CACNA1F: variants seen among roughly 807,000 people sequenced by gnomAD.
The protein encoded by CACNA1F is voltage-dependent L-type calcium channel subunit alpha-1F.
A neutral mutation model predicts 143.8 loss-of-function variants in CACNA1F; 59 were observed. That is an observed-to-expected ratio of 0.41 (90% CI 0.33 to 0.51). The LOEUF (loss-of-function observed/expected upper bound fraction) is 0.51, where lower values mean the gene tolerates loss of function less well. CACNA1F is among the 20% of genes least tolerant of loss of function. The pLI is 0.22. For missense variants in CACNA1F, 1,411 were observed against 1,647.5 expected, an observed-to-expected ratio of 0.86 and a Z score of 2.48; for synonymous variants, 643 against 649.1, an observed-to-expected ratio of 0.99 and a Z score of 0.14.
intron 6 of CACNA1F, 109 bp downstream of exon 6, chrX:49,230,111 G>T: frequency 1.4e-6 from 1 of 695,913 alleles, no homozygotes; most frequent in African/African-American, 2.1e-5. Flanking sequence ...TGGAACCTGA[G>T]CCTGGGGGCC....
chrX:49,226,472 A>T lies in CACNA1F; in HGVS notation c.1400T>A (p.Met467Lys), dbSNP rs1557109939. 1 of 1,191,296 alleles carries T rather than the reference A, an allele frequency of 8.4e-7. No individual in the cohort carries two copies. Among genetic ancestry groups the T allele is most frequent in the South Asian group, 1.8e-5 (1 of 54,284 alleles). Residue 467 changes from methionine to lysine, a missense_variant, in exon 11 of 48, where the codon ATG (methionine) becomes AAG (lysine). Physicochemically the swap from Met to Lys is moderately conservative, Grantham distance 95. Around this residue, in one of 3 missense-constraint regions of CACNA1F, gnomAD observed 950 missense variants for 1,128.1 expected, o/e 0.84. Coordinates refer to ENST00000323022, the MANE Select transcript of CACNA1F (RefSeq NM_001256789.3). ...ATCCTCATCGCCTTGGGTCTCTGTC[A>T]TGGAACCGGTGTCACTGGCTGGGAG... is the stretch of plus-strand genomic sequence containing the variant. ...ASLPASDTGS[M>K]TETQGDEDEE...
intron 4 of CACNA1F, 54 bp from the exon 5 acceptor site, chrX:49,230,663 CT>C: frequency 8.8e-7 from 1 of 1,131,354 alleles, no homozygotes; most frequent in Non-Finnish European, 1.2e-6. Context: ...GGATTCCCCC[CT>C]CCACCCTAAC....
rs1327404647 is a variant in CACNA1F at position 49,210,332 on chromosome X, C to G, written c.4557G>C (p.Leu1519=). The G allele has an allele frequency of 2.5e-6, 3 of 1,207,587 alleles. No individual in the cohort carries two copies. Among genetic ancestry groups the G allele is most frequent in the Non-Finnish European group, 3.4e-6 (3 of 891,655 alleles). The change falls in exon 39 of 48, where the codon CTG becomes CTC. Residue 1519 remains leucine, a synonymous_variant. Coordinates refer to ENST00000323022, the MANE Select transcript of CACNA1F (RefSeq NM_001256789.3). The part of the protein sequence containing the change: ...TVTFNATLFA[L]VRTSLKIKTE... ...TTTTGATCTTCAGGGATGTCCGGAC[C>G]AGGGCAAAGAGTGTGGCGTTGAATG...
rs2065833686 is a variant in CACNA1F at position 49,227,082 on chromosome X, G to C, written c.1164C>G (p.Phe388Leu). The C allele has an allele frequency of 6.7e-6, 8 of 1,201,509 alleles. No homozygotes were observed. Among genetic ancestry groups the C allele is most frequent in the Non-Finnish European group, 9.0e-6 (8 of 889,832 alleles). ...EREKAKARGD[F>L]QKQREKQQME... is the part of the protein sequence containing the mutation. ...TCTGCTGCTTCTCCCGCTGCTTCTG[G>C]AAGTCCCCGCGAGCTTTCGCTTTCT... is the stretch of plus-strand genomic sequence containing the variant. Residue 388 changes from phenylalanine to leucine, a missense_variant, in exon 9 of 48, where the codon TTC becomes TTG. Physicochemically the swap from Phe to Leu is conservative, Grantham distance 22. Coordinates refer to ENST00000323022, the MANE Select transcript of CACNA1F (RefSeq NM_001256789.3).
Position 49,209,728 on chromosome X carries a change from G to A in CACNA1F, c.4722C>T (p.Ala1574=), listed in dbSNP as rs2065636957. The A allele has an allele frequency of 8.3e-7, 1 of 1,211,425 alleles. No homozygotes were observed. The change falls in exon 41 of 48, where the codon GCC becomes GCT. Residue 1574 remains alanine, a synonymous_variant. Coordinates refer to ENST00000323022, the MANE Select transcript of CACNA1F (RefSeq NM_001256789.3). The stretch of plus-strand genomic sequence containing the variant: ...GGAAATAGTCCTGGATCAGAAATGT[G>A]GCGTAGAATTTGCCCACGGTGACCT... The part of the protein sequence containing the change: ...EEEVTVGKFY[A]TFLIQDYFRK...
At chrX:49,222,229 T>C (rs782652622) in intron 17 of CACNA1F, 2 of 311,489 alleles carry the variant, frequency 6.4e-6, no homozygotes, top group South Asian at 1.1e-4. Flanking sequence ...TAACATATAT[T>C]ATATATTCAT....
intron 1 of CACNA1F, among the ~76,000 whole-genome samples, chrX:49,232,832 T>A (rs60688480): frequency 1.8e-5 from 2 of 110,433 alleles, no homozygotes; most frequent in South Asian, 3.8e-4. Flanking sequence ...TTTTTTTTTT[T>A]AAAGGGTCTG....
Position 49,210,487 on chromosome X carries a change from G to A in CACNA1F, c.4486-84C>T, listed in dbSNP as rs782491337. 1.9e-5 allele frequency: 19 copies of A among 1,005,832 alleles called. No homozygotes were observed. The African/African-American group carries it at 3.4e-4, about 18-fold the overall frequency. The allele number at this position is 1,005,832 out of a possible 1,213,427, so 82.9% of individuals were successfully genotyped here. On this transcript the variant is annotated intron_variant, in intron 38 of 47. Coordinates refer to ENST00000323022, the MANE Select transcript of CACNA1F (RefSeq NM_001256789.3). ...ATGTCAAGGGGCAGAAACCTCTGAG[G>A]ATGCGATCAAACACCCCTCCCCACC...
rs868951993 is a variant in CACNA1F, at chrX:49,230,551, C to A, written c.580G>T (p.Gly194Trp). The A allele has an allele frequency of 2.5e-6, 3 of 1,189,226 alleles. No homozygotes were observed. Among genetic ancestry groups the A allele is most frequent in the Non-Finnish European group, 3.4e-6 (3 of 883,748 alleles). The change falls in exon 5 of 48, where the codon GGG becomes TGG. Residue 194 changes from glycine to tryptophan, a missense_variant. This residue lies in a region of CACNA1F where 950 missense variants were observed against 1,128.1 expected (regional missense o/e 0.84). Coordinates refer to ENST00000323022, the MANE Select transcript of CACNA1F (RefSeq NM_001256789.3). ...ACATCGAAGCCTCCTGGCTTTCCCCCGGTGTGCGGGGCGTCGCCTGGCCGT... is the reference window on the plus strand; with the variant it reads ...ACATCGAAGCCTCCTGGCTTTCCCCAGGTGTGCGGGGCGTCGCCTGGCCGT... ...PGRPGDAPHTGGKPGGFDVKA... is the reference protein window; with the variant it reads ...PGRPGDAPHTWGKPGGFDVKA...
chrX:49,209,003 T>G, intron 42 of CACNA1F: 1 of 402,981 alleles, frequency 2.5e-6, no homozygotes, highest in Non-Finnish European at 4.3e-6. Context: ...TTTTTAAATT[T>G]TTTTGTAGAG....
At position 49,212,981 on chromosome X, in the gene CACNA1F, A is replaced by T. The variant is rs782388461; in HGVS notation, c.3806T>A (p.Leu1269His). The change falls in exon 32 of 48, where the codon CTT (leucine) becomes CAT (histidine). Residue 1269 changes from leucine (L) to histidine (H), a missense_variant. Physicochemically the swap from Leu to His is moderately conservative, Grantham distance 99 (BLOSUM62 -3). Coordinates refer to ENST00000323022, the MANE Select transcript of CACNA1F (RefSeq NM_001256789.3). ...GTTATTAGGGTGGGCTACCTCGCCA[A>T]GGTGGCCACCATTCTGGAGGGAGAT... is the stretch of plus-strand genomic sequence containing the variant. ...AVTEVNNGGH[L>H]GESSEDSSRI... 1 of 1,204,968 alleles carries T rather than the reference A, an allele frequency of 8.3e-7. No homozygotes were observed.
intron 17 of CACNA1F, among the ~76,000 whole-genome samples, chrX:49,222,094 C>A (rs1557108862): frequency 9.0e-6 from 1 of 111,688 alleles, no homozygotes; most frequent in African/African-American, 3.3e-5. Flanking sequence ...CACTCCCTCA[C>A]TTCATTCAGG....
chrX:49,212,415 C>T, intron 33 of CACNA1F, 107 bp from the exon 34 acceptor site: 1 of 672,897 alleles, frequency 1.5e-6, no homozygotes, highest in Admixed American at 2.6e-5. Context: ...CTGGGAGATG[C>T]AGTCCATCTC....
intron 40 of CACNA1F, 86 bp from the exon 41 acceptor site, chrX:49,209,845 T>TA: frequency 8.7e-7 from 1 of 1,155,399 alleles, no homozygotes; most frequent in Non-Finnish European, 1.2e-6. Flanking sequence ...CAGCATGGAC[T>TA]TCCCCTCGCC....
intron 11 of CACNA1F, 68 bp downstream of exon 11, chrX:49,226,341 C>A: frequency 1.8e-6 from 2 of 1,138,922 alleles, no homozygotes; most frequent in Non-Finnish European, 2.4e-6. Flanking sequence ...AGGCTTGAGG[C>A]TAAAGAAAGG....
chrX:49,230,806 G>C (rs782342845), intron 4 of CACNA1F, 44 bp downstream of exon 4: 1 of 1,157,027 alleles, frequency 8.6e-7, no homozygotes, highest in Non-Finnish European at 1.2e-6. Flanking sequence ...CGGGCCTGAC[G>C]GTAGGAAGGC....
chrX:49,229,282 G>A (rs970957254), intron 6 of CACNA1F, among the ~76,000 whole-genome samples: 8 of 110,363 alleles, frequency 7.2e-5, no homozygotes, highest in African/African-American at 2.3e-4. Context: ...GCAGCCTCCC[G>A]AGTAGCTGGG....
At chrX:49,221,843 C>T (rs1387383855) in intron 17 of CACNA1F, among the ~76,000 whole-genome samples, 2 of 108,182 alleles carry the variant, frequency 1.8e-5, no homozygotes, top group Non-Finnish European at 3.8e-5. Flanking sequence ...TTTAGCTGAG[C>T]GTGGTGGTGT....
intron 1 of CACNA1F, 111 bp from the exon 2 acceptor site, chrX:49,232,038 T>G: frequency 1.3e-6 from 1 of 794,659 alleles, no homozygotes. Flanking sequence ...CATGGAAAAT[T>G]AGGGAGAACT....
Sources: allele counts gnomAD v4.1 joint callset (sites outside exome capture counted in the v4.1 genomes callset), GRCh38; gene constraint gnomAD v4.1.1; regional missense constraint gnomAD v4.1.1; transcripts MANE v1.5; gene names NCBI Gene and HGNC (gene_info 2026-07-23, HGNC 2026-07-21).